Variants in KRT86 observed in about 807,000 individuals in gnomAD.
KRT86 encodes the protein keratin, type II cuticular Hb6.
A neutral mutation model predicts 41.2 loss-of-function variants in KRT86; 30 were observed. The observed-to-expected ratio is 0.73, with a 90% CI of 0.54 to 0.99. The LOEUF is 0.99. Ranked by LOEUF, KRT86 falls within the 50% of genes least tolerant of loss-of-function variation. KRT86 has a pLI of 0.00. For synonymous variants in KRT86, 238 were observed against 238.1 expected, an observed-to-expected ratio of 1.00 and a Z score of 0.00; for missense variants, 561 against 571.4, an observed-to-expected ratio of 0.98 and a Z score of 0.19.
chr12:52,308,664 C>G lies in KRT86; in HGVS notation c.*79C>G. Reference sequence around the variant, plus strand: ...CCTCGCGCCACCAGAACGCGCCGCCCGCGCCGGCCTCCCAATAGCCGCCGC... The same window carrying G: ...CCTCGCGCCACCAGAACGCGCCGCCGGCGCCGGCCTCCCAATAGCCGCCGC... On this transcript the variant is annotated 3_prime_UTR_variant, in exon 11 of 11. Transcript: ENST00000423955. The G allele has an allele frequency of 7.0e-7, 1 of 1,427,280 alleles. No homozygotes were observed. Among genetic ancestry groups the G allele is most frequent in the Non-Finnish European group, 9.6e-7 (1 of 1,043,306 alleles). 88.4% of individuals were successfully genotyped at this position (1,427,280 alleles called of 1,614,324 possible).
intron 2 of KRT86, among the ~76,000 whole-genome samples, chr12:52,295,169 G>C (rs2121269756): frequency 6.6e-6 from 1 of 152,112 alleles, no homozygotes; most frequent in East Asian, 1.9e-4. Flanking sequence ...CATGTAGAAA[G>C]CTATTTTATG....
In KRT86 at chr12:52,301,686, C is replaced by A. The variant is rs567314987; in HGVS notation, c.-4-227C>A. The A allele has an allele frequency of 9.8e-6, 3 of 305,734 alleles. No homozygotes were observed. The South Asian group carries it at 3.9e-4, about 40-fold the overall frequency. 18.9% of individuals were successfully genotyped at this position (305,734 alleles called of 1,614,324 possible). A position where few individuals can be genotyped will look rare whatever the true frequency, so the allele number is the denominator to read the frequency against. ...TGCAGTTTAGGGCAAGAGATCATAA[C>A]ATCTGGCTGCTTCTGGGCACCAATT... On this transcript the variant is annotated intron_variant, in intron 2 of 10. Transcript: ENST00000423955.
intron 8 of KRT86, 62 bp downstream of exon 8, chr12:52,305,850 A>G (rs1938501825): frequency 1.2e-6 from 2 of 1,610,986 alleles, no homozygotes; most frequent in Admixed American, 3.3e-5. Context: ...CACACAGCCT[A>G]TGTGTGCCCT....
intron 2 of KRT86, chr12:52,287,060 G>A (rs1565740075): frequency 1.2e-6 from 2 of 1,612,476 alleles, no homozygotes; most frequent in South Asian, 2.2e-5. Flanking sequence ...TTGTGCCAGG[G>A]ATGGGGAAGG....
rs1195990212 is a variant in KRT86 at position 52,301,957 on chromosome 12, G to C, written c.41G>C (p.Cys14Ser). The change falls in exon 3 of 11, where the codon TGC becomes TCC. Residue 14 changes from cysteine (C) to serine (S), a missense_variant. By Grantham distance (112) the Cys-to-Ser change is moderately radical (BLOSUM62 -1). Transcript: ENST00000423955. ...TACTGTGGTGGCCGCGCCTTCAGCTGCATCTCGGCCTGCGGGCCCCGGCCC... is the reference window on the plus strand; with the variant it reads ...TACTGTGGTGGCCGCGCCTTCAGCTCCATCTCGGCCTGCGGGCCCCGGCCC... ...GSYCGGRAFS[C>S]ISACGPRPGR... is the part of the protein sequence containing the mutation. 1 of 1,613,658 alleles carries C rather than the reference G, an allele frequency of 6.2e-7. No homozygotes were observed. Among genetic ancestry groups the C allele is most frequent in the African/African-American group, 1.3e-5 (1 of 74,938 alleles).
chr12:52,308,339 C>A, intron 10 of KRT86, 65 bp from the exon 11 acceptor site: 1 of 1,612,738 alleles, frequency 6.2e-7, no homozygotes, highest in Admixed American at 1.7e-5. Flanking sequence ...CGTGGGCTCG[C>A]AGCAAAGCCA....
intron 2 of KRT86, among the ~76,000 whole-genome samples, chr12:52,298,321 T>C (rs1592433145): frequency 6.6e-6 from 1 of 152,138 alleles, no homozygotes; most frequent in Non-Finnish European, 1.5e-5. Flanking sequence ...CTGTAGAATA[T>C]AGTAGATAAC....
intron 2 of KRT86, among the ~76,000 whole-genome samples, chr12:52,296,865 C>A (rs1480502364): frequency 6.6e-6 from 1 of 152,240 alleles, no homozygotes; most frequent in African/African-American, 2.4e-5. Context: ...CCTGTAAGCC[C>A]AGCATGCAGA....
intron 2 of KRT86, among the ~76,000 whole-genome samples, chr12:52,282,471 C>T (rs542479658): frequency 3.3e-5 from 5 of 151,622 alleles, no homozygotes; most frequent in South Asian, 4.2e-4. Flanking sequence ...CTTCTGACCT[C>T]GTGATCCGCC....
chr12:52,287,580 C>T, intron 2 of KRT86: 3 of 1,613,938 alleles, frequency 1.9e-6, no homozygotes, highest in South Asian at 1.1e-5. Context: ...TGACCTTGCG[C>T]ACAGATGCCC....
intron 2 of KRT86, among the ~76,000 whole-genome samples, chr12:52,280,135 C>T (rs1937738504): frequency 6.6e-6 from 1 of 152,252 alleles, no homozygotes. Flanking sequence ...AATTGGGCCA[C>T]CGAGTTGTGT....
At chr12:52,301,015 A>C (rs1163391747) in intron 2 of KRT86, among the ~76,000 whole-genome samples, 1 of 152,194 alleles carries the variant, frequency 6.6e-6, no homozygotes, top group Non-Finnish European at 1.5e-5. Flanking sequence ...AGGCTGGCCA[A>C]TATGACCTAA....
At chr12:52,288,512 T>A in intron 2 of KRT86, 1 of 1,595,674 alleles carries the variant, frequency 6.3e-7, no homozygotes. Flanking sequence ...GCCCCCAGAC[T>A]CCTCTCTCTG....
chr12:52,279,865 T>C (rs1011253947), intron 2 of KRT86, among the ~76,000 whole-genome samples: 1 of 152,148 alleles, frequency 6.6e-6, no homozygotes. Flanking sequence ...ACATACTTAC[T>C]GAATGGCCTC....
At position 52,275,868 on chromosome 12, in the gene KRT86, G is replaced by A; in HGVS notation, c.-83G>A. The stretch of plus-strand genomic sequence containing the variant: ...TGCAGAAACACACGCAGAGCCTGAA[G>A]CCCAGCAAGGAGGATCTGAACAGGC... On this transcript the variant is annotated 5_prime_UTR_variant, in exon 2 of 11. Transcript: ENST00000423955. The A allele has an allele frequency of 1.0e-6, 1 of 985,982 alleles. No individual in the cohort carries two copies. Among genetic ancestry groups the A allele is most frequent in the Non-Finnish European group, 1.2e-6 (1 of 829,982 alleles). 61.1% of individuals were successfully genotyped at this position (985,982 alleles called of 1,614,324 possible). A position where few individuals can be genotyped will look rare whatever the true frequency, so the allele number is the denominator to read the frequency against.
chr12:52,301,312 G>A (rs1202220978), intron 2 of KRT86, among the ~76,000 whole-genome samples: 1 of 152,074 alleles, frequency 6.6e-6, no homozygotes, highest in Non-Finnish European at 1.5e-5. Flanking sequence ...AGTAGGTGTG[G>A]AGGAACTGGG....
chr12:52,281,015 G>A (rs112938780), intron 2 of KRT86, among the ~76,000 whole-genome samples: 6 of 152,310 alleles, frequency 3.9e-5, no homozygotes, highest in African/African-American at 1.4e-4. Flanking sequence ...CAGGGCTTTG[G>A]GGTCAGGTTT....
rs778154101 is a variant in KRT86, at chr12:52,305,000, C to G, written c.708C>G (p.Ile236Met). Reference sequence around the variant, plus strand: ...ATGTGGAGGCCCTGATCCAGGAGATCGACTTCCTGAGGCGGCTGTATGAGG... The same window carrying G: ...ATGTGGAGGCCCTGATCCAGGAGATGGACTTCCTGAGGCGGCTGTATGAGG... Reference protein sequence around the residue: ...EANVEALIQEIDFLRRLYEEE... With the variant: ...EANVEALIQEMDFLRRLYEEE... The change falls in exon 6 of 11, where the codon ATC becomes ATG. Residue 236 changes from isoleucine (I) to methionine (M), a missense_variant. Around this residue, in one of 3 missense-constraint regions of KRT86, gnomAD observed 397 missense variants for 375.9 expected, o/e 1.06. Transcript: ENST00000423955. 6.2e-7 allele frequency: 1 copy of G among 1,613,954 alleles called. No individual in the cohort carries two copies. Among genetic ancestry groups the G allele is most frequent in the Non-Finnish European group, 8.5e-7 (1 of 1,180,016 alleles).
intron 2 of KRT86, chr12:52,286,858 T>C (rs759224738): frequency 2.5e-6 from 4 of 1,611,862 alleles, no homozygotes; most frequent in East Asian, 4.5e-5. Context: ...CATTAGTGAC[T>C]GCCCCAGAGT....
Sources: gnomAD v4.1 joint callset for allele counts (sites outside exome capture counted in the v4.1 genomes callset) on GRCh38, gnomAD v4.1.1 for gene constraint, gnomAD v4.1.1 regional missense constraint, MANE v1.5 for transcripts, NCBI Gene and HGNC (gene_info 2026-07-23, HGNC 2026-07-21) for gene names.